Variants in PLCH1 observed in about 807,000 individuals in gnomAD.
The protein encoded by PLCH1 is phospholipase C eta 1.
In PLCH1, 60 loss-of-function variants were observed where a neutral mutation model predicts 126.7. The ratio of observed to expected loss-of-function variants is 0.47; its 90% CI spans 0.38 to 0.59. The LOEUF is 0.59. Among genes scored for constraint, PLCH1 ranks in the 20% least tolerant of loss-of-function variants. The pLI is 0.00. For missense variants in PLCH1, 1,723 were observed against 2,040.0 expected (o/e 0.84, Z 2.99); for synonymous variants, 719 against 734.9 (o/e 0.98, Z 0.35).
intron 1 of PLCH1, among the ~76,000 whole-genome samples, chr3:155,741,525 C>T (rs2109218637): frequency 6.6e-6 from 1 of 152,240 alleles, no homozygotes; most frequent in African/African-American, 2.4e-5. Context: ...AGATGTTTGT[C>T]AACCCTGGTC....
chr3:155,699,994 C>T (rs1383192902), intron 2 of PLCH1, among the ~76,000 whole-genome samples: 3 of 152,222 alleles, frequency 2.0e-5, no homozygotes, highest in Non-Finnish European at 4.4e-5. Flanking sequence ...CTGAAGAACA[C>T]TTCCATCTAT....
intron 2 of PLCH1, among the ~76,000 whole-genome samples, chr3:155,700,751 C>A (rs574327234): frequency 6.6e-6 from 1 of 152,112 alleles, no homozygotes; most frequent in South Asian, 2.1e-4. Flanking sequence ...GACTGCATCC[C>A]AGGTCAGAAA....
Position 155,690,046 on chromosome 3 carries a change from TA to T in PLCH1, c.79+14099del, listed in dbSNP as rs1008548264. ...AAAAGCAGCAAGAGAAAAAAAAGAATAAAAAAAAAAAAAAGAAAAGAACATA... is the reference window on the plus strand; with the variant it reads ...AAAAGCAGCAAGAGAAAAAAAAGAATAAAAAAAAAAAAAGAAAAGAACATA... On this transcript the variant is annotated intron_variant, in intron 2 of 22. Coordinates refer to ENST00000460012, the MANE Select transcript of PLCH1 (RefSeq NM_014996.4). Among the ~76,000 whole-genome samples, 599 of 100,856 alleles carry T rather than the reference TA, an allele frequency of 5.9e-3. 4 individuals carry two copies. The highest frequency in any genetic ancestry group is 0.013 in the African/African-American group (347 of 27,096). 66.2% of individuals were successfully genotyped at this position (100,856 alleles called of 152,430 possible).
chr3:155,681,570 G>A (rs1744541027), intron 2 of PLCH1, among the ~76,000 whole-genome samples: 1 of 152,178 alleles, frequency 6.6e-6, no homozygotes, highest in Non-Finnish European at 1.5e-5. Flanking sequence ...ATTGCCTTCA[G>A]TCTCTCTTTT....
intron 10 of PLCH1, among the ~76,000 whole-genome samples, chr3:155,533,658 G>T (rs146368624): frequency 3.0e-4 from 45 of 152,336 alleles, no homozygotes; most frequent in South Asian, 6.2e-4. Context: ...AGACAATGGG[G>T]AAAATGTCTA....
At chr3:155,637,203 A>T (rs1445309868) in intron 2 of PLCH1, among the ~76,000 whole-genome samples, 1 of 152,326 alleles carries the variant, frequency 6.6e-6, no homozygotes, top group East Asian at 1.9e-4. Flanking sequence ...TGTAAACTAT[A>T]CCTGGATGCA....
intron 2 of PLCH1, among the ~76,000 whole-genome samples, chr3:155,691,906 C>T (rs1419216629): frequency 6.6e-6 from 1 of 152,008 alleles, no homozygotes; most frequent in African/African-American, 2.4e-5. Flanking sequence ...ATCAGAAGAC[C>T]GTGTACAACA....
At chr3:155,486,260 G>A (rs1715072053) in intron 21 of PLCH1, 1 of 1,131,740 alleles carries the variant, frequency 8.8e-7, no homozygotes, top group Non-Finnish European at 1.3e-6. Context: ...TCATTGAAGA[G>A]GGTGTCACAA....
intron 2 of PLCH1, among the ~76,000 whole-genome samples, chr3:155,633,452 A>G (rs1738312103): frequency 1.3e-5 from 2 of 149,934 alleles, no homozygotes; most frequent in African/African-American, 2.5e-5. Context: ...ACACACAAAC[A>G]TAAACACACC....
At chr3:155,718,141 A>T (rs1174041873) in intron 1 of PLCH1, among the ~76,000 whole-genome samples, 6 of 152,100 alleles carry the variant, frequency 3.9e-5, no homozygotes, top group Non-Finnish European at 8.8e-5. Context: ...ATGCAGCCAA[A>T]TTTTTTTCCT....
rs575306508 is a variant in PLCH1 at position 155,608,037 on chromosome 3, C to T, written c.80-11659G>A. Among the ~76,000 whole-genome samples the T allele has an allele frequency of 5.9e-5, 9 of 152,196 alleles. No homozygotes were observed. In the South Asian group the frequency reaches 1.0e-3, roughly 18 times the overall value. ...TGAACTTGAAAACTTTCAGGTTCCC[C>T]TGGGGAACCTGAAAATCCAGATTAT... On this transcript the variant is annotated intron_variant, in intron 2 of 22. Coordinates refer to ENST00000460012, the MANE Select transcript of PLCH1 (RefSeq NM_014996.4).
intron 12 of PLCH1, among the ~76,000 whole-genome samples, chr3:155,505,279 T>C (rs1718487751): frequency 6.6e-6 from 1 of 152,196 alleles, no homozygotes; most frequent in South Asian, 2.1e-4. Context: ...AGGTTAATTT[T>C]CCAGTTAGAG....
chr3:155,659,780 T>C (rs961864808), intron 2 of PLCH1, among the ~76,000 whole-genome samples: 2 of 152,108 alleles, frequency 1.3e-5, no homozygotes, highest in East Asian at 3.9e-4. Context: ...ATTACAGGTG[T>C]GAGCCACTGC....
At chr3:155,462,053 C>A (rs765212485) in intron 21 of PLCH1, among the ~76,000 whole-genome samples, 6 of 152,186 alleles carry the variant, frequency 3.9e-5, no homozygotes, top group Non-Finnish European at 8.8e-5. Flanking sequence ...CATTCCCAGG[C>A]AGTATTGCTT....
intron 2 of PLCH1, among the ~76,000 whole-genome samples, chr3:155,654,102 G>A (rs1741092052): frequency 6.7e-6 from 1 of 150,320 alleles, no homozygotes; most frequent in African/African-American, 2.5e-5. Context: ...ATTTCTCAGT[G>A]CTCATTTTAC....
intron 2 of PLCH1, among the ~76,000 whole-genome samples, chr3:155,618,384 C>T (rs1264111844): frequency 1.3e-5 from 2 of 152,100 alleles, no homozygotes; most frequent in Non-Finnish European, 2.9e-5. Context: ...TAGGCTAAAA[C>T]GTATTTCTTA....
chr3:155,669,035 T>A (rs973753154), intron 2 of PLCH1, among the ~76,000 whole-genome samples: 1 of 152,158 alleles, frequency 6.6e-6, no homozygotes. Flanking sequence ...TGTGTGTGCA[T>A]GTATGTACTA....
At chr3:155,564,479 C>A (rs1029944759) in intron 8 of PLCH1, among the ~76,000 whole-genome samples, 4 of 152,026 alleles carry the variant, frequency 2.6e-5, no homozygotes, top group Non-Finnish European at 5.9e-5. Context: ...GAAGGAGAAT[C>A]GCTTGAACCT....
intron 5 of PLCH1, among the ~76,000 whole-genome samples, chr3:155,585,324 G>A (rs949270229): frequency 5.9e-5 from 9 of 152,130 alleles, no homozygotes; most frequent in African/African-American, 2.2e-4. Context: ...CATGTACAAA[G>A]TATCACCTAG....
Sources: allele counts gnomAD v4.1 joint callset (sites outside exome capture counted in the v4.1 genomes callset), GRCh38; gene constraint gnomAD v4.1.1; transcripts MANE v1.5; gene names NCBI Gene and HGNC (gene_info 2026-07-23, HGNC 2026-07-21).